The following TTBK2 variants were observed in gnomAD, a reference collection of about 807,000 sequenced individuals.
TTBK2 encodes tau-tubulin kinase 2.
TTBK2 carries 28 observed loss-of-function variants against 110.8 expected under a neutral mutation model. That is an observed-to-expected ratio of 0.25 (90% CI 0.19 to 0.35). The LOEUF is 0.35. Ranked by LOEUF, TTBK2 falls within the 10% of genes least tolerant of loss-of-function variation. The probability of loss-of-function intolerance (pLI) is 1.00; values close to 1 mark genes in which losing one functional copy is unlikely to be tolerated. For synonymous variants in TTBK2, 532 were observed against 527.3 expected, an observed-to-expected ratio of 1.01 and a Z score of -0.12; for missense variants, 1,369 against 1,500.3, an observed-to-expected ratio of 0.91 and a Z score of 1.45.
chr15:42,908,636 T>C (rs2030559609), intron 1 of TTBK2, among the ~76,000 whole-genome samples: 1 of 152,240 alleles, frequency 6.6e-6, no homozygotes, highest in Non-Finnish European at 1.5e-5. Flanking sequence ...TACTTTGTTG[T>C]TGCTTGTTGT....
At chr15:42,858,028 A>G (rs574854479) in intron 3 of TTBK2, among the ~76,000 whole-genome samples, 5 of 152,100 alleles carry the variant, frequency 3.3e-5, no homozygotes, top group Non-Finnish European at 7.4e-5. Flanking sequence ...GGCAGCAGTG[A>G]GCCGAGCTCA....
chr15:42,910,459 C>T (rs541399174), intron 1 of TTBK2, among the ~76,000 whole-genome samples: 2 of 152,302 alleles, frequency 1.3e-5, no homozygotes, highest in South Asian at 4.1e-4. Flanking sequence ...ACCATTGAAC[C>T]TTTCACTAAA....
At chr15:42,859,067 GTTTGT>G (rs1048940586) in intron 3 of TTBK2, among the ~76,000 whole-genome samples, 1 of 152,072 alleles carries the variant, frequency 6.6e-6, no homozygotes, top group African/African-American at 2.4e-5. Flanking sequence ...ACCTGCTGGA[GTTTGT>G]TTTATTTATT....
chr15:42,854,717 C>A (rs1252015856), intron 3 of TTBK2, among the ~76,000 whole-genome samples: 1 of 151,804 alleles, frequency 6.6e-6, no homozygotes, highest in Non-Finnish European at 1.5e-5. Context: ...GACTGGCTTC[C>A]ATTATAATAA....
At position 42,891,444 on chromosome 15, in the gene TTBK2, G is replaced by C. The variant is rs561864344; in HGVS notation, c.-67-12760C>G. Among the ~76,000 whole-genome samples the C allele has an allele frequency of 2.6e-5, 4 of 151,818 alleles. No individual in the cohort carries two copies. In the South Asian group the frequency reaches 8.3e-4, roughly 32 times the overall value. On this transcript the variant is annotated intron_variant, in intron 1 of 14. Transcript: ENST00000267890. ...CCACCTCAGTCTCCTAAAGTGCTGGGATTACAGGCATGAGCCACTGTGCCC... is the reference window on the plus strand; with the variant it reads ...CCACCTCAGTCTCCTAAAGTGCTGGCATTACAGGCATGAGCCACTGTGCCC...
At chr15:42,872,179 A>G (rs1317752874) in intron 3 of TTBK2, among the ~76,000 whole-genome samples, 1 of 152,190 alleles carries the variant, frequency 6.6e-6, no homozygotes, top group East Asian at 1.9e-4. Flanking sequence ...AATCAACAGT[A>G]TTATTTTTAA....
intron 10 of TTBK2, among the ~76,000 whole-genome samples, chr15:42,790,412 G>A (rs1197502654): frequency 1.3e-5 from 2 of 151,576 alleles, no homozygotes; most frequent in Non-Finnish European, 2.9e-5. Context: ...AGCCTTCGGA[G>A]TAGCTGGGAC....
At chr15:42,816,933 T>C (rs1330135752) in intron 7 of TTBK2, 99 bp downstream of exon 7, 10 of 560,352 alleles carry the variant, frequency 1.8e-5, no homozygotes, top group Non-Finnish European at 2.2e-5. Flanking sequence ...AATATACATA[T>C]ATATATATAT....
intron 1 of TTBK2, among the ~76,000 whole-genome samples, chr15:42,883,936 T>A (rs989505806): frequency 6.6e-6 from 1 of 152,140 alleles, no homozygotes; most frequent in Non-Finnish European, 1.5e-5. Context: ...GAAAAAAGTA[T>A]ACCATGCAAA....
chr15:42,879,040 T>C (rs1346625028), intron 1 of TTBK2, among the ~76,000 whole-genome samples: 1 of 152,202 alleles, frequency 6.6e-6, no homozygotes, highest in Non-Finnish European at 1.5e-5. Context: ...GTACCTAATT[T>C]ACAACTGCTT....
At chr15:42,801,678 G>C (rs1891212260) in intron 9 of TTBK2, 6 of 893,324 alleles carry the variant, frequency 6.7e-6, no homozygotes, top group Non-Finnish European at 1.1e-5. Flanking sequence ...TCCATGAACA[G>C]CACCACAGAT....
intron 13 of TTBK2, among the ~76,000 whole-genome samples, chr15:42,772,412 A>C (rs1287173305): frequency 6.6e-6 from 1 of 152,036 alleles, no homozygotes; most frequent in Non-Finnish European, 1.5e-5. Flanking sequence ...CAAACTTTTA[A>C]ATTGATTTTA....
intron 3 of TTBK2, among the ~76,000 whole-genome samples, chr15:42,861,763 T>C (rs1567065063): frequency 6.6e-6 from 1 of 151,542 alleles, no homozygotes. Context: ...TGAACAAAAT[T>C]GAGACACAAA....
Position 42,740,287 on chromosome 15 carries a change from T to C in TTBK2, c.*5508A>G, listed in dbSNP as rs1304497815. On this transcript the variant is annotated 3_prime_UTR_variant, in exon 15 of 15. Transcript: ENST00000267890. ...AAGGAAAGGCTTCACTACTTTTACA[T>C]GTTACCTTAAGACCAAAGATCCAGC... 1 of 152,190 alleles carries C rather than the reference T, an allele frequency of 6.6e-6. No homozygotes were observed. The highest frequency in any genetic ancestry group is 2.4e-5 in the African/African-American group (1 of 41,454). 9.4% of individuals were successfully genotyped at this position (152,190 alleles called of 1,614,324 possible).
intron 10 of TTBK2, among the ~76,000 whole-genome samples, chr15:42,792,706 G>A (rs527832743): frequency 2.6e-5 from 4 of 152,208 alleles, no homozygotes; most frequent in Admixed American, 6.5e-5. Flanking sequence ...CTTCTGGCAG[G>A]GGTAGGTGAG....
rs910841140 is a variant in TTBK2, at chr15:42,745,214, T to TA, written c.*580dup. ...GAATCAGACGAGACATACAAAATTTTAAAAAAAAATCTGAACTCCAGGGAG... is the reference window on the plus strand; with the variant it reads ...GAATCAGACGAGACATACAAAATTTTAAAAAAAAAATCTGAACTCCAGGGAG... On this transcript the variant is annotated 3_prime_UTR_variant, in exon 15 of 15. Transcript: ENST00000267890. 10 of 156,412 alleles carry TA rather than the reference T, an allele frequency of 6.4e-5. No homozygotes were observed. The highest frequency in any genetic ancestry group is 1.9e-4 in the South Asian group (1 of 5,130). The allele number at this position is 156,412 out of a possible 1,614,324, so 9.7% of individuals were successfully genotyped here. A position where few individuals can be genotyped will look rare whatever the true frequency, so the allele number is the denominator to read the frequency against.
At chr15:42,787,868 T>A (rs1241727322) in intron 10 of TTBK2, among the ~76,000 whole-genome samples, 1 of 152,214 alleles carries the variant, frequency 6.6e-6, no homozygotes, top group Non-Finnish European at 1.5e-5. Context: ...ATGCCATCGT[T>A]AAGCAATTTC....
chr15:42,898,821 T>C (rs1345263377), intron 1 of TTBK2, among the ~76,000 whole-genome samples: 1 of 152,146 alleles, frequency 6.6e-6, no homozygotes, highest in Non-Finnish European at 1.5e-5. Context: ...TGGAGGTAAA[T>C]ACCAAAAGTA....
rs145399244 is a variant in TTBK2 at position 42,790,342 on chromosome 15, T to A, written c.980+4302A>T. 1.4e-4 allele frequency among the ~76,000 whole-genome samples: 21 copies of A among 151,612 alleles called. No individual in the cohort carries two copies. In the East Asian group the frequency reaches 3.1e-3, roughly 22 times the overall value. ...CTCTGCTGCCCAGGGTGGAGTATAG[T>A]GGCGCGATCTCAGGTCACTGCAACC... On this transcript the variant is annotated intron_variant, in intron 10 of 14. Coordinates refer to ENST00000267890, the MANE Select transcript of TTBK2 (RefSeq NM_173500.4).
Sources: gnomAD v4.1 joint callset for allele counts (sites outside exome capture counted in the v4.1 genomes callset) on GRCh38, gnomAD v4.1.1 for gene constraint, MANE v1.5 for transcripts, NCBI Gene and HGNC (gene_info 2026-07-23, HGNC 2026-07-21) for gene names.